CENPF: variants seen among roughly 807,000 people sequenced by gnomAD.
CENPF encodes AH antigen.
In CENPF, 214 loss-of-function variants were observed where a neutral mutation model predicts 307.3. The observed-to-expected ratio is 0.70, with a 90% CI of 0.62 to 0.78. The LOEUF (loss-of-function observed/expected upper bound fraction) is 0.78, where lower values mean the gene tolerates loss of function less well. Ranked by LOEUF, CENPF falls within the 30% of genes least tolerant of loss-of-function variation. CENPF has a pLI of 0.00. For synonymous variants in CENPF, 1,259 were observed against 1,270.6 expected (o/e 0.99, Z 0.19); for missense variants, 3,401 against 3,483.9 (o/e 0.98, Z 0.60).
At chr1:214,657,453 TTCCATATAATGGTTCACATATAAAAAGAC>T in intron 18 of CENPF, 44 bp downstream of exon 18, 1 of 1,394,674 alleles carries the variant, frequency 7.2e-7, no homozygotes, top group Non-Finnish European at 9.9e-7. Flanking sequence ...TCTTTTGAAA[TTCCATATAATGGTTCACATATAAAAAGAC>T]AAAAGTATTT....
At chr1:214,619,605 A>T (rs1189948378) in intron 5 of CENPF, among the ~76,000 whole-genome samples, 1 of 152,110 alleles carries the variant, frequency 6.6e-6, no homozygotes, top group Non-Finnish European at 1.5e-5. Context: ...GATCTATTGA[A>T]TTTTACCTCT....
Position 214,648,670 on chromosome 1 carries a change from T to G in CENPF, c.7831-5T>G, listed in dbSNP as rs767859449. Reference sequence around the variant, plus strand: ...AGCAGATTCTAATGAAAGATGAAATTTCAGGTAAACAAAATGACTGCAAAG... The same window carrying G: ...AGCAGATTCTAATGAAAGATGAAATGTCAGGTAAACAAAATGACTGCAAAG... On this transcript the variant is annotated splice_region_variant and splice_polypyrimidine_tract_variant and intron_variant, in intron 13 of 19. Coordinates refer to ENST00000366955, the MANE Select transcript of CENPF (RefSeq NM_016343.4). 2.5e-6 allele frequency: 4 copies of G among 1,611,496 alleles called. No individual in the cohort carries two copies. The South Asian group carries it at 4.4e-5, about 18-fold the overall frequency.
At chr1:214,662,821 C>T (rs1658821881) in intron 19 of CENPF, among the ~76,000 whole-genome samples, 1 of 151,826 alleles carries the variant, frequency 6.6e-6, no homozygotes, top group Non-Finnish European at 1.5e-5. Context: ...GCTCTGTCCC[C>T]CAGGCTGGAG....
Position 214,645,225 on chromosome 1 carries a change from T to A in CENPF, c.5655T>A (p.Asn1885Lys), listed in dbSNP as rs754924543. 2.5e-6 allele frequency: 4 copies of A among 1,614,054 alleles called. No homozygotes were observed. The South Asian group carries it at 4.4e-5, about 18-fold the overall frequency. Residue 1885 changes from asparagine to lysine, a missense_variant, in exon 13 of 20, where the codon AAT becomes AAA. Physicochemically the swap from Asn to Lys is moderately conservative, Grantham distance 94 (BLOSUM62 0). Coordinates refer to ENST00000366955, the MANE Select transcript of CENPF (RefSeq NM_016343.4). ...CATCACGTGAAGATATTGGAGATAA[T>A]GTGGCCAAGGTGAATGACAGCTGGA... ...DKSSREDIGD[N>K]VAKVNDSWKE...
intron 17 of CENPF, among the ~76,000 whole-genome samples, chr1:214,656,492 GC>G (rs1658635057): frequency 6.6e-6 from 1 of 152,076 alleles, no homozygotes; most frequent in Non-Finnish European, 1.5e-5. Flanking sequence ...TTTTGGATTT[GC>G]CTGGTCATCT....
At chr1:214,639,782 G>T in intron 11 of CENPF, 139 bp from the exon 12 acceptor site, 1 of 464,476 alleles carries the variant, frequency 2.2e-6, no homozygotes, top group South Asian at 4.0e-5. Flanking sequence ...AGGTACCCAG[G>T]CAATAATGCC....
intron 14 of CENPF, among the ~76,000 whole-genome samples, chr1:214,649,893 C>T (rs933909040): frequency 2.6e-5 from 4 of 152,196 alleles, no homozygotes; most frequent in African/African-American, 9.7e-5. Context: ...TTTATTCATT[C>T]TCTAAATAAT....
chr1:214,607,477 G>A (rs1657067773), intron 1 of CENPF, among the ~76,000 whole-genome samples: 1 of 152,170 alleles, frequency 6.6e-6, no homozygotes, highest in Non-Finnish European at 1.5e-5. Context: ...AGCCAGGGTG[G>A]TGCCAGGGGA....
rs12048104 is a variant in CENPF, at chr1:214,617,363, C to T, written c.360-1210C>T. Among the ~76,000 whole-genome samples, 310 of 152,198 alleles carry T rather than the reference C, an allele frequency of 2.0e-3. 10 individuals are homozygous for T. The East Asian group carries it at 0.059, about 29-fold the overall frequency. ...GGGCCCGGCATTACTTTCTTTACTT[C>T]CTGTTTTAAGTAATATGTCACGGCA... On this transcript the variant is annotated intron_variant, in intron 3 of 19. Coordinates refer to ENST00000366955, the MANE Select transcript of CENPF (RefSeq NM_016343.4).
At chr1:214,605,947 G>T in intron 1 of CENPF, 1 of 1,597,368 alleles carries the variant, frequency 6.3e-7, no homozygotes, top group South Asian at 1.1e-5. Flanking sequence ...CGGGGAAGGC[G>T]ACGCGCATGC....
intron 5 of CENPF, 96 bp downstream of exon 5, chr1:214,619,316 G>A: frequency 1.5e-6 from 1 of 650,674 alleles, no homozygotes; most frequent in Non-Finnish European, 2.6e-6. Context: ...TTTACATAGA[G>A]CTGGCCTTTT....
At position 214,647,051 on chromosome 1, in the gene CENPF, A is replaced by G; in HGVS notation, c.7481A>G (p.Asn2494Ser). 6.2e-7 allele frequency: 1 copy of G among 1,614,046 alleles called. No individual in the cohort carries two copies. Residue 2494 changes from asparagine to serine, a missense_variant, in exon 13 of 20, where the codon AAT becomes AGT. By Grantham distance (46) the Asn-to-Ser change is conservative (BLOSUM62 1). Transcript: ENST00000366955. ...QLLQGLDEAK[N>S]NYIVLQSSVN... Reference sequence around the variant, plus strand: ...CTACAAGGCCTTGATGAGGCCAAAAATAATTATATTGTTTTGCAATCTTCA... The same window carrying G: ...CTACAAGGCCTTGATGAGGCCAAAAGTAATTATATTGTTTTGCAATCTTCA...
intron 11 of CENPF, among the ~76,000 whole-genome samples, chr1:214,639,372 C>A (rs939880872): frequency 6.6e-6 from 1 of 152,152 alleles, no homozygotes; most frequent in African/African-American, 2.4e-5. Context: ...CAGGAATATT[C>A]ACATATAGGC....
rs1169594261 is a variant in CENPF at position 214,648,707 on chromosome 1, G to A, written c.7863G>A (p.Leu2621=). Residue 2621 remains leucine (L), a synonymous_variant, in exon 14 of 20, where the codon CTG becomes CTA. Transcript: ENST00000366955. Reference sequence around the variant, plus strand: ...AAATGACTGCAAAGGAAACTGAGCTGCAGAGGGAAATGCATGAGATGGCAC... The same window carrying A: ...AAATGACTGCAAAGGAAACTGAGCTACAGAGGGAAATGCATGAGATGGCAC... ...VNKMTAKETE[L]QREMHEMAQK... 9 of 1,613,768 alleles carry A rather than the reference G, an allele frequency of 5.6e-6. No individual in the cohort carries two copies. The highest frequency in any genetic ancestry group is 4.0e-5 in the African/African-American group (3 of 75,038).
Position 214,620,722 on chromosome 1 carries a change from C to A in CENPF, c.641C>A (p.Ser214Ter). The change falls in exon 6 of 20, where the codon TCA becomes TAA. Residue 214 changes from serine (S) to a stop codon, truncating the protein, a stop_gained. Coordinates refer to ENST00000366955, the MANE Select transcript of CENPF (RefSeq NM_016343.4). LOFTEE classifies it high-confidence loss of function. ...GACATTGCCCGGCATCAGGCTTCAT[C>A]ATCTGTGTTCTCATGGCAGCAAGAG... Reference protein sequence around the residue: ...HRDIARHQASSSVFSWQQEKT... With the variant: ...HRDIARHQAS The A allele has an allele frequency of 1.2e-6, 2 of 1,614,218 alleles. No individual in the cohort carries two copies. The highest frequency in any genetic ancestry group is 1.7e-6 in the Non-Finnish European group (2 of 1,180,028).
chr1:214,632,381 A>G (rs533442589), intron 9 of CENPF, 99 bp from the exon 10 acceptor site: 2 of 1,323,222 alleles, frequency 1.5e-6, no homozygotes, highest in African/African-American at 1.5e-5. Context: ...GATGGCATCC[A>G]TTTTGATATT....
Position 214,640,232 on chromosome 1 carries a change from CAGAT to C in CENPF, c.1895_1898del (p.Gln632ArgfsTer19), listed in dbSNP as rs1658072070. 6.2e-7 allele frequency: 1 copy of C among 1,610,804 alleles called. No homozygotes were observed. Among genetic ancestry groups the C allele is most frequent in the South Asian group, 1.1e-5 (1 of 89,982 alleles). On this transcript the variant is annotated frameshift_variant, in exon 12 of 20. Coordinates refer to ENST00000366955, the MANE Select transcript of CENPF (RefSeq NM_016343.4). LOFTEE classifies it high-confidence loss of function. ...AAGTGAAAACGAAAAACTTTTAACT[CAGAT>C]GGAATCAGAAAAGGAAAACTTGCAG...
In CENPF at chr1:214,663,644, C is replaced by T; in HGVS notation, c.9195C>T (p.Pro3065=). Reference sequence around the variant, plus strand: ...ATTCAGGCACCATCCTCCGAGAACCCACCACGAAATCCGTCCCAGTCAATA... The same window carrying T: ...ATTCAGGCACCATCCTCCGAGAACCTACCACGAAATCCGTCCCAGTCAATA... ...PVDSGTILRE[P]TTKSVPVNNL... The change falls in exon 20 of 20, where the codon CCC becomes CCT. Residue 3065 remains proline, a synonymous_variant. Transcript: ENST00000366955. The T allele has an allele frequency of 6.2e-7, 1 of 1,614,098 alleles. No individual in the cohort carries two copies. Among genetic ancestry groups the T allele is most frequent in the Non-Finnish European group, 8.5e-7 (1 of 1,180,024 alleles).
At chr1:214,605,494 C>G in intron 1 of CENPF, 3 of 417,202 alleles carry the variant, frequency 7.2e-6, no homozygotes, top group Non-Finnish European at 4.2e-6. Context: ...CACGTATTTT[C>G]TTCTTGCTTC....
Sources: gnomAD v4.1 joint callset for allele counts (sites outside exome capture counted in the v4.1 genomes callset) on GRCh38, gnomAD v4.1.1 for gene constraint, MANE v1.5 for transcripts, NCBI Gene and HGNC (gene_info 2026-07-23, HGNC 2026-07-21) for gene names.